MYL10: variants seen among roughly 807,000 people sequenced by gnomAD.
The protein encoded by MYL10 is myosin light chain 10.
A neutral mutation model predicts 21.9 loss-of-function variants in MYL10; 18 were observed. That is an observed-to-expected ratio of 0.82 (90% confidence interval 0.57 to 1.22). The LOEUF (loss-of-function observed/expected upper bound fraction) is 1.22, where lower values mean the gene tolerates loss of function less well. Ranked by LOEUF, MYL10 falls within the 50% of genes most tolerant of loss-of-function variation. The probability of loss-of-function intolerance (pLI) is 0.00; values close to 1 mark genes in which losing one functional copy is unlikely to be tolerated. For synonymous variants in MYL10, 88 were observed against 82.8 expected (o/e 1.06, Z -0.34); for missense variants, 225 against 230.4 (o/e 0.98, Z 0.15).
intron 1 of MYL10, 119 bp from the exon 2 acceptor site, chr7:101,624,383 C>T (rs1283304227): frequency 7.3e-6 from 5 of 686,460 alleles, no homozygotes; most frequent in Non-Finnish European, 1.2e-5. Flanking sequence ...CTTCCCGGTG[C>T]CTACAGCAGA....
In MYL10 at chr7:101,622,921, C is replaced by G. The variant is rs1050039369; in HGVS notation, c.349+76G>C. On this transcript the variant is annotated intron_variant, in intron 4 of 7. Transcript: ENST00000223167. ...GAGCCTCTCACGCTCACCGCGAGCC[C>G]TGCCCTGCTGGCCCCAACCGCCCAC... is the stretch of plus-strand genomic sequence containing the variant. The G allele has an allele frequency of 9.3e-6, 13 of 1,394,162 alleles. No individual in the cohort carries two copies. In the African/African-American group the frequency reaches 1.6e-4, roughly 17 times the overall value. The allele number at this position is 1,394,162 out of a possible 1,614,324, so 86.4% of individuals were successfully genotyped here. A position where few individuals can be genotyped will look rare whatever the true frequency, so the allele number is the denominator to read the frequency against.
chr7:101,625,400 G>A (rs1457592710), intron 1 of MYL10, among the ~76,000 whole-genome samples: 5 of 152,146 alleles, frequency 3.3e-5, no homozygotes, highest in Non-Finnish European at 7.3e-5. Context: ...GGAGGTGGAC[G>A]GGATGGCACA....
At chr7:101,624,463 A>G (rs1199858652) in intron 1 of MYL10, among the ~76,000 whole-genome samples, 199 bp from the exon 2 acceptor site, 1 of 152,140 alleles carries the variant, frequency 6.6e-6, no homozygotes, top group Non-Finnish European at 1.5e-5. Flanking sequence ...AGAAGCCTGC[A>G]CGGCGTGCAC....
At chr7:101,626,134 G>A (rs924141332) in intron 1 of MYL10, among the ~76,000 whole-genome samples, 1 of 152,238 alleles carries the variant, frequency 6.6e-6, no homozygotes, top group Non-Finnish European at 1.5e-5. Flanking sequence ...CCCGGATCTG[G>A]GTTCAAAGCC....
Position 101,616,372 on chromosome 7 carries a change from C to T in MYL10, c.455-74G>A, listed in dbSNP as rs142075052. The T allele has an allele frequency of 2.7e-3, 3,493 of 1,272,424 alleles. 6 individuals carry two copies. The highest frequency in any genetic ancestry group is 3.4e-3 in the Non-Finnish European group (2,991 of 878,188). 78.8% of individuals were successfully genotyped at this position (1,272,424 alleles called of 1,614,324 possible). A position where few individuals can be genotyped will look rare whatever the true frequency, so the allele number is the denominator to read the frequency against. On this transcript the variant is annotated intron_variant, in intron 5 of 7. Transcript: ENST00000223167. ...CCACAGGGACAGGCACAAGGCTGGG[C>T]AGGGGCTGGGGCTGGGGGCAAGTCC...
At chr7:101,628,856 A>T (rs985121899) in intron 1 of MYL10, among the ~76,000 whole-genome samples, 185 bp downstream of exon 1, 1 of 147,616 alleles carries the variant, frequency 6.8e-6, no homozygotes, top group Non-Finnish European at 1.5e-5. Flanking sequence ...AGGGAATATC[A>T]TAATAATAAT....
At chr7:101,625,699 C>T (rs780550118) in intron 1 of MYL10, among the ~76,000 whole-genome samples, 2 of 152,152 alleles carry the variant, frequency 1.3e-5, no homozygotes, top group African/African-American at 2.4e-5. Flanking sequence ...CCAGGGCGGC[C>T]GGGACGTTAT....
At position 101,613,857 on chromosome 7, in the gene MYL10, C is replaced by A. The variant is rs115243406; in HGVS notation, c.534-147G>T. The A allele has an allele frequency of 1.6e-3, 1,193 of 731,316 alleles. 12 individuals carry two copies. In the African/African-American group the frequency reaches 0.018, roughly 11 times the overall value. 45.3% of individuals were successfully genotyped at this position (731,316 alleles called of 1,614,324 possible). ...ACCTGGGGCTGACCCTGCCAGCCCCCCCGATGGCCAAGTAGCTTCTGAACC... is the reference window on the plus strand; with the variant it reads ...ACCTGGGGCTGACCCTGCCAGCCCCACCGATGGCCAAGTAGCTTCTGAACC... On this transcript the variant is annotated intron_variant, in intron 6 of 7. Coordinates refer to ENST00000223167, the MANE Select transcript of MYL10 (RefSeq NM_138403.5).
intron 1 of MYL10, among the ~76,000 whole-genome samples, chr7:101,625,864 T>C (rs934479874): frequency 1.3e-5 from 2 of 152,296 alleles, no homozygotes; most frequent in Non-Finnish European, 2.9e-5. Context: ...GCCCTTTCTC[T>C]GGCACACCTG....
intron 5 of MYL10, among the ~76,000 whole-genome samples, chr7:101,618,561 A>C (rs898026793): frequency 6.6e-6 from 1 of 152,084 alleles, no homozygotes; most frequent in Non-Finnish European, 1.5e-5. Context: ...TCTCCTCCCC[A>C]GAAAGAGCCT....
chr7:101,619,889 C>CAAAAAAA (rs60752793), intron 5 of MYL10, among the ~76,000 whole-genome samples: 1 of 102,606 alleles, frequency 9.7e-6, no homozygotes, highest in Non-Finnish European at 1.8e-5. Context: ...GACTCCGTCT[C>CAAAAAAA]AAAAAAAAAA....
intron 1 of MYL10, among the ~76,000 whole-genome samples, chr7:101,628,617 G>C (rs766806752): frequency 1.3e-5 from 2 of 152,130 alleles, no homozygotes; most frequent in Non-Finnish European, 2.9e-5. Flanking sequence ...GCCCACACCT[G>C]CCCTGGAAAG....
At chr7:101,614,572 T>C (rs1796586882) in intron 6 of MYL10, among the ~76,000 whole-genome samples, 1 of 152,106 alleles carries the variant, frequency 6.6e-6, no homozygotes, top group Non-Finnish European at 1.5e-5. Context: ...AGAAAGTGGT[T>C]GACAGTAGAG....
intron 6 of MYL10, among the ~76,000 whole-genome samples, chr7:101,615,773 C>A (rs1562823048): frequency 6.7e-6 from 1 of 149,150 alleles, no homozygotes; most frequent in African/African-American, 2.5e-5. Flanking sequence ...CGGCTCACTG[C>A]AACCTCCACT....
At position 101,622,125 on chromosome 7, in the gene MYL10, A is replaced by G. The variant is rs1343933216; in HGVS notation, c.425T>C (p.Phe142Ser). 6 of 1,613,660 alleles carry G rather than the reference A, an allele frequency of 3.7e-6. No homozygotes were observed. The highest frequency in any genetic ancestry group is 1.7e-5 in the Admixed American group (1 of 59,976). The change falls in exon 5 of 8, where the codon TTC (phenylalanine) becomes TCC (serine). Residue 142 changes from phenylalanine to serine, a missense_variant. By Grantham distance (155) the Phe-to-Ser change is radical. Coordinates refer to ENST00000223167, the MANE Select transcript of MYL10 (RefSeq NM_138403.5). Reference sequence around the variant, plus strand: ...CAGCTTCTCCCCAAACATGGTCAGGAACACCGTGAAGTTGATGGGTCCGGG... The same window carrying G: ...CAGCTTCTCCCCAAACATGGTCAGGGACACCGTGAAGTTGATGGGTCCGGG... Reference protein sequence around the residue: ...EAPGPINFTVFLTMFGEKLKG... With the variant: ...EAPGPINFTVSLTMFGEKLKG...
chr7:101,624,135 G>A, intron 2 of MYL10, 37 bp downstream of exon 2: 2 of 1,367,468 alleles, frequency 1.5e-6, no homozygotes, highest in South Asian at 2.3e-5. Context: ...TGCATTCCAA[G>A]AATCCTCATA....
chr7:101,629,007 A>G (rs1796777531), intron 1 of MYL10, 34 bp downstream of exon 1: 1 of 452,086 alleles, frequency 2.2e-6, no homozygotes, highest in Admixed American at 2.4e-5. Flanking sequence ...GCAGATAAGA[A>G]GTGGGGCCAG....
At chr7:101,628,264 G>C (rs981305084) in intron 1 of MYL10, among the ~76,000 whole-genome samples, 12 of 144,830 alleles carry the variant, frequency 8.3e-5, no homozygotes, top group African/African-American at 3.0e-4. Flanking sequence ...GACCAGCCTG[G>C]GCAACATAGT....
chr7:101,616,494 G>C (rs1458934306), intron 5 of MYL10, among the ~76,000 whole-genome samples, 196 bp from the exon 6 acceptor site: 1 of 152,210 alleles, frequency 6.6e-6, no homozygotes, highest in East Asian at 1.9e-4. Context: ...AACAAGGAGG[G>C]AAACAGGTAA....
Sources: gnomAD v4.1 joint callset for allele counts (sites outside exome capture counted in the v4.1 genomes callset) on GRCh38, gnomAD v4.1.1 for gene constraint, MANE v1.5 for transcripts, NCBI Gene and HGNC (gene_info 2026-07-23, HGNC 2026-07-21) for gene names.